The following TPX2 variants were observed in gnomAD, a reference collection of about 807,000 sequenced individuals.
TPX2 encodes the protein targeting protein for Xklp2.
A neutral mutation model predicts 93.6 loss-of-function variants in TPX2; 21 were observed. The ratio of observed to expected loss-of-function variants is 0.22; its 90% CI spans 0.16 to 0.32. The LOEUF (loss-of-function observed/expected upper bound fraction) is 0.32. Ranked by LOEUF, TPX2 falls within the 10% of genes least tolerant of loss-of-function variation. TPX2 has a pLI of 1.00. For synonymous variants in TPX2, 281 were observed against 298.3 expected, an observed-to-expected ratio of 0.94 and a Z score of 0.60; for missense variants, 776 against 871.1, an observed-to-expected ratio of 0.89 and a Z score of 1.37.
intron 5 of TPX2, among the ~76,000 whole-genome samples, chr20:31,767,791 A>G (rs898899987): frequency 2.6e-5 from 4 of 152,088 alleles, no homozygotes; most frequent in African/African-American, 9.7e-5. Context: ...AGCTCAAGCA[A>G]TCCACCCACC....
In TPX2 at chr20:31,794,012, G is replaced by C; in HGVS notation, c.1674G>C (p.Leu558=). 6.2e-7 allele frequency: 1 copy of C among 1,611,266 alleles called. No homozygotes were observed. Among genetic ancestry groups the C allele is most frequent in the South Asian group, 1.1e-5 (1 of 90,862 alleles). Residue 558 remains leucine, a synonymous_variant, in exon 14 of 18, where the codon CTG becomes CTC. Coordinates refer to ENST00000300403, the MANE Select transcript of TPX2 (RefSeq NM_012112.5). ...AGAAGGAGAAGAAAATAAAAGAACT[G>C]CAGAAAGGGGAGGTAGGTGTTTCCA... ...QLQKEKKIKE[L]QKGEVPKFKA... is the part of the protein sequence containing the mutation.
At chr20:31,747,094 A>G (rs972109214) in intron 2 of TPX2, among the ~76,000 whole-genome samples, 1 of 151,928 alleles carries the variant, frequency 6.6e-6, no homozygotes, top group Non-Finnish European at 1.5e-5. Flanking sequence ...CCCCCATTCA[A>G]TTGTGCGTTC....
At chr20:31,743,336 A>G (rs776596417) in intron 2 of TPX2, among the ~76,000 whole-genome samples, 7 of 152,298 alleles carry the variant, frequency 4.6e-5, no homozygotes, top group Non-Finnish European at 7.4e-5. Flanking sequence ...ACTTAATACA[A>G]TGTAAATGCT....
intron 15 of TPX2, among the ~76,000 whole-genome samples, chr20:31,795,638 A>C (rs961680868): frequency 6.6e-6 from 1 of 152,268 alleles, no homozygotes; most frequent in Non-Finnish European, 1.5e-5. Flanking sequence ...GATCTTATCT[A>C]TTCCATCTAT....
chr20:31,782,591 T>TA (rs1346087924), intron 11 of TPX2, among the ~76,000 whole-genome samples: 1 of 152,000 alleles, frequency 6.6e-6, no homozygotes, highest in African/African-American at 2.4e-5. Context: ...TATAAACTGG[T>TA]AAAAATTGAA....
chr20:31,770,555 C>T (rs1055579699), intron 6 of TPX2, 84 bp downstream of exon 6: 2 of 1,257,614 alleles, frequency 1.6e-6, no homozygotes, highest in African/African-American at 1.5e-5. Flanking sequence ...TGAATTTACA[C>T]TTTAGATTGA....
At chr20:31,761,667 T>G (rs112572629) in intron 4 of TPX2, among the ~76,000 whole-genome samples, 4,961 of 152,312 alleles carry the variant, frequency 0.033, 108 homozygotes, top group Non-Finnish European at 0.044. Context: ...GATACTTCAG[T>G]TGATTCCATA....
chr20:31,791,804 A>T (rs1319819216), intron 12 of TPX2, among the ~76,000 whole-genome samples: 2 of 152,196 alleles, frequency 1.3e-5, no homozygotes, highest in Non-Finnish European at 2.9e-5. Flanking sequence ...CACGAGTGTA[A>T]CAAGAAATTA....
At chr20:31,740,435 C>G (rs1289009839) in intron 1 of TPX2, among the ~76,000 whole-genome samples, 1 of 152,150 alleles carries the variant, frequency 6.6e-6, no homozygotes, top group Non-Finnish European at 1.5e-5. Context: ...TGTATTACAT[C>G]ACCCCCACGT....
Position 31,783,907 on chromosome 20 carries a change from T to C in TPX2, c.1399T>C (p.Leu467=). 6.2e-7 allele frequency: 1 copy of C among 1,613,100 alleles called. No individual in the cohort carries two copies. Among genetic ancestry groups the C allele is most frequent in the Non-Finnish European group, 8.5e-7 (1 of 1,179,844 alleles). ...TTCCAGACCTTGCCCTACTAAGATT[T>C]TGGAAGATGTTGTGGTAAGGTTGAG... The part of the protein sequence containing the change: ...FHSRPCPTKI[L]EDVVGVPEKK... The change falls in exon 12 of 18, where the codon TTG becomes CTG. Residue 467 remains leucine (L), a synonymous_variant. Transcript: ENST00000300403.
chr20:31,741,749 G>A (rs1657758177), intron 1 of TPX2, among the ~76,000 whole-genome samples: 1 of 152,172 alleles, frequency 6.6e-6, no homozygotes, highest in African/African-American at 2.4e-5. Context: ...AAAGTGCTGG[G>A]ATTACAGGTG....
chr20:31,783,816 A>G lies in TPX2; in HGVS notation c.1308A>G (p.Glu436=), dbSNP rs775019622. The G allele has an allele frequency of 6.2e-7, 1 of 1,612,946 alleles. No homozygotes were observed. Among genetic ancestry groups the G allele is most frequent in the Non-Finnish European group, 8.5e-7 (1 of 1,179,798 alleles). ...CCGAGCCTATTGGCTTTGATTTGGA[A>G]ATTGAGAAAAGAATCCAGGAGCGAG... The part of the protein sequence containing the change: ...PPTEPIGFDL[E]IEKRIQERES... The change falls in exon 12 of 18, where the codon GAA becomes GAG. Residue 436 remains glutamate (E), a synonymous_variant. Coordinates refer to ENST00000300403, the MANE Select transcript of TPX2 (RefSeq NM_012112.5).
chr20:31,748,446 A>T (rs1386172206), intron 2 of TPX2, among the ~76,000 whole-genome samples: 1 of 152,198 alleles, frequency 6.6e-6, no homozygotes, highest in Non-Finnish European at 1.5e-5. Context: ...TGGATTTTTT[A>T]AAAAATTTAT....
chr20:31,791,050 A>G (rs902344670), intron 12 of TPX2, among the ~76,000 whole-genome samples: 1 of 152,132 alleles, frequency 6.6e-6, no homozygotes, highest in Non-Finnish European at 1.5e-5. Flanking sequence ...GCACAAGCAA[A>G]GGTAATGAGA....
chr20:31,776,661 G>T (rs1029127001), intron 8 of TPX2, among the ~76,000 whole-genome samples: 1 of 151,958 alleles, frequency 6.6e-6, no homozygotes, highest in South Asian at 2.1e-4. Context: ...GAGTAGCTGG[G>T]ATTACAGGGG....
intron 8 of TPX2, among the ~76,000 whole-genome samples, chr20:31,776,205 C>T (rs572491344): frequency 1.6e-4 from 24 of 151,116 alleles, no homozygotes; most frequent in Non-Finnish European, 3.1e-4. Flanking sequence ...CTCAGCCTCC[C>T]GAGTAGCTGG....
intron 16 of TPX2, among the ~76,000 whole-genome samples, chr20:31,797,964 G>A (rs568146010): frequency 3.3e-5 from 5 of 152,196 alleles, no homozygotes; most frequent in South Asian, 4.1e-4. Flanking sequence ...TGGGAGGCCC[G>A]GACAGGAGGA....
At chr20:31,771,784 A>G in intron 7 of TPX2, 102 bp downstream of exon 7, 1 of 1,372,892 alleles carries the variant, frequency 7.3e-7, no homozygotes, top group Non-Finnish European at 9.9e-7. Flanking sequence ...CAAACTCCTG[A>G]AGCTTTGACC....
At chr20:31,779,404 A>T (rs1052507148) in intron 10 of TPX2, among the ~76,000 whole-genome samples, 6 of 152,352 alleles carry the variant, frequency 3.9e-5, no homozygotes, top group African/African-American at 1.4e-4. Flanking sequence ...TGTGTTAGGT[A>T]TATAGAGGTA....
Sources: allele counts gnomAD v4.1 joint callset (sites outside exome capture counted in the v4.1 genomes callset), GRCh38; gene constraint gnomAD v4.1.1; transcripts MANE v1.5; gene names NCBI Gene and HGNC (gene_info 2026-07-23, HGNC 2026-07-21).